The following GLI2 variants were observed in gnomAD, a reference collection of about 807,000 sequenced individuals.
GLI2 encodes GLI family zinc finger 2.
In GLI2, 22 loss-of-function variants were observed where a neutral mutation model predicts 78.9. That is an observed-to-expected ratio of 0.28 (90% CI 0.20 to 0.40). GLI2 has a LOEUF of 0.40. Among genes scored for constraint, GLI2 ranks in the 10% least tolerant of loss-of-function variants. The probability of loss-of-function intolerance (pLI) is 1.00; values close to 1 mark genes in which losing one functional copy is unlikely to be tolerated. For missense variants in GLI2, 2,097 were observed against 2,213.2 expected, an observed-to-expected ratio of 0.95 and a Z score of 1.05; for synonymous variants, 974 against 963.7, an observed-to-expected ratio of 1.01 and a Z score of -0.20.
intron 2 of GLI2, among the ~76,000 whole-genome samples, chr2:120,878,537 GA>G (rs1164258868): frequency 1.1e-4 from 16 of 151,868 alleles, no homozygotes; most frequent in Non-Finnish European, 2.2e-4. Context: ...ATATTAAAAG[GA>G]AAAAAAGGAT....
intron 2 of GLI2, among the ~76,000 whole-genome samples, chr2:120,832,215 CT>C (rs2104770738): frequency 6.6e-6 from 1 of 152,362 alleles, no homozygotes; most frequent in African/African-American, 2.4e-5. Context: ...AATTTGCCCC[CT>C]GGCTGCCCCT....
At chr2:120,785,539 C>T (rs1683973931) in intron 1 of GLI2, among the ~76,000 whole-genome samples, 1 of 152,128 alleles carries the variant, frequency 6.6e-6, no homozygotes, top group Admixed American at 6.5e-5. Context: ...ATGCCAGGGC[C>T]ACACACCAGC....
chr2:120,740,111 A>C lies in GLI2; in HGVS notation c.-31+3826A>C, dbSNP rs75386885. Reference sequence around the variant, plus strand: ...TTGCTGTGGAATATCAAGAATTAAAAAAAAAATCATTGATTATTATTTTTA... The same window carrying C: ...TTGCTGTGGAATATCAAGAATTAAACAAAAAATCATTGATTATTATTTTTA... On this transcript the variant is annotated intron_variant, in intron 1 of 13. Coordinates refer to ENST00000361492, the MANE Select transcript of GLI2 (RefSeq NM_001374353.1). Among the ~76,000 whole-genome samples, 36 of 152,336 alleles carry C rather than the reference A, an allele frequency of 2.4e-4. 1 individual carries two copies. In the East Asian group the frequency reaches 6.9e-3, roughly 29 times the overall value.
rs748710720 is a variant in GLI2, at chr2:120,986,625, G to A, written c.2242+11G>A. On this transcript the variant is annotated intron_variant, in intron 13 of 13. Transcript: ENST00000361492. ...CCCTCCCGGGAAGTGGTGAGTAAAG[G>A]CCTGGGGTTTGCAGATGGGGCAGAA... is the stretch of plus-strand genomic sequence containing the variant. The A allele has an allele frequency of 6.2e-7, 1 of 1,612,478 alleles. No homozygotes were observed. The highest frequency in any genetic ancestry group is 8.5e-7 in the Non-Finnish European group (1 of 1,178,784).
In GLI2 at chr2:120,963,626, T is replaced by C. The variant is rs963260088; in HGVS notation, c.644-5088T>C. On this transcript the variant is annotated intron_variant, in intron 5 of 13. Transcript: ENST00000361492. ...TCCACCTGGGGTGTGTGTGTGTGTC[T>C]CCACCTGGGGCCCCCCTCCCATGCA... Among the ~76,000 whole-genome samples, 3 of 151,974 alleles carry C rather than the reference T, an allele frequency of 2.0e-5. No individual in the cohort carries two copies. In the South Asian group the frequency reaches 6.2e-4, roughly 32 times the overall value.
At chr2:120,791,040 A>G (rs1183385976) in intron 1 of GLI2, among the ~76,000 whole-genome samples, 1 of 152,114 alleles carries the variant, frequency 6.6e-6, no homozygotes, top group Non-Finnish European at 1.5e-5. Flanking sequence ...GAGCAAACTG[A>G]GGCTCCGAGA....
chr2:120,847,518 ACTC>A (rs1276049627), intron 2 of GLI2, among the ~76,000 whole-genome samples: 2 of 150,982 alleles, frequency 1.3e-5, no homozygotes, highest in African/African-American at 2.4e-5. Context: ...GCCAAAGAGA[ACTC>A]CTGCGAGGCT....
chr2:120,758,746 G>A (rs1683115114), intron 1 of GLI2, among the ~76,000 whole-genome samples: 1 of 152,356 alleles, frequency 6.6e-6, no homozygotes, highest in African/African-American at 2.4e-5. Context: ...AGGGCCGTGG[G>A]TGGGCCCTGG....
intron 1 of GLI2, among the ~76,000 whole-genome samples, chr2:120,785,536 G>A (rs918810023): frequency 6.6e-5 from 10 of 152,088 alleles, no homozygotes; most frequent in African/African-American, 2.4e-4. Context: ...GAGATGCCAG[G>A]GCCACACACC....
At chr2:120,910,280 T>A (rs1678750968) in intron 2 of GLI2, among the ~76,000 whole-genome samples, 1 of 152,142 alleles carries the variant, frequency 6.6e-6, no homozygotes, top group African/African-American at 2.4e-5. Flanking sequence ...AGCCACCTGG[T>A]CCCTTGGCAC....
At chr2:120,945,957 TCACACACACACACACACA>T (rs3223143) in intron 3 of GLI2, among the ~76,000 whole-genome samples, 9 of 134,258 alleles carry the variant, frequency 6.7e-5, no homozygotes, top group Middle Eastern at 4.1e-3. Flanking sequence ...CATAACCTTC[TCACACACACACACACACA>T]CACACACACA....
Position 120,801,208 on chromosome 2 carries a change from A to C in GLI2, c.148+3740A>C, listed in dbSNP as rs531211809. Among the ~76,000 whole-genome samples, 1,152 of 152,272 alleles carry C rather than the reference A, an allele frequency of 7.6e-3. 13 individuals carry two copies. Among genetic ancestry groups the C allele is most frequent in the African/African-American group, 0.026 (1,080 of 41,554 alleles). On this transcript the variant is annotated intron_variant, in intron 2 of 13. Coordinates refer to ENST00000361492, the MANE Select transcript of GLI2 (RefSeq NM_001374353.1). ...GGCTAGAGTGCAGTGGCATGATCTC[A>C]GCTCACTGCAACCTCTGCCTCCTGG...
intron 2 of GLI2, among the ~76,000 whole-genome samples, chr2:120,910,648 G>A (rs1558875579): frequency 6.6e-6 from 1 of 152,206 alleles, no homozygotes; most frequent in Non-Finnish European, 1.5e-5. Flanking sequence ...TTGCAGGGGC[G>A]CCAAGCCACG....
At chr2:120,935,041 A>T (rs1680127137) in intron 3 of GLI2, among the ~76,000 whole-genome samples, 1 of 152,236 alleles carries the variant, frequency 6.6e-6, no homozygotes, top group African/African-American at 2.4e-5. Flanking sequence ...TTCTTGGCAC[A>T]GCACCCGAGG....
Position 120,971,961 on chromosome 2 carries a change from G to C in GLI2, c.1080G>C (p.Ser360=), listed in dbSNP as rs149110951. 1.2e-6 allele frequency: 2 copies of C among 1,613,628 alleles called. No homozygotes were observed. Among genetic ancestry groups the C allele is most frequent in the Non-Finnish European group, 1.7e-6 (2 of 1,179,934 alleles). ...DTNQNKQSSE[S]AVSSTVNPVA... is the part of the protein sequence containing the mutation. Reference sequence around the variant, plus strand: ...CTCAGAACAAGCAGAGCAGTGAGTCGGCCGTCAGCAGCACCGTCAACCCTG... The same window carrying C: ...CTCAGAACAAGCAGAGCAGTGAGTCCGCCGTCAGCAGCACCGTCAACCCTG... Residue 360 remains serine, a synonymous_variant, in exon 8 of 14, where the codon TCG becomes TCC. Coordinates refer to ENST00000361492, the MANE Select transcript of GLI2 (RefSeq NM_001374353.1).
In GLI2 at chr2:120,895,638, G is replaced by A. The variant is rs183508798; in HGVS notation, c.149-31723G>A. Among the ~76,000 whole-genome samples the A allele has an allele frequency of 1.1e-4, 16 of 152,284 alleles. No homozygotes were observed. In the East Asian group the frequency reaches 3.1e-3, roughly 29 times the overall value. ...GAATTGCTTGAACCTGGGAGGTGAA[G>A]GCTACAATGAACTGAGATTGCACCA... On this transcript the variant is annotated intron_variant, in intron 2 of 13. Coordinates refer to ENST00000361492, the MANE Select transcript of GLI2 (RefSeq NM_001374353.1).
chr2:120,790,077 C>A (rs1250787985), intron 1 of GLI2, among the ~76,000 whole-genome samples: 1 of 152,220 alleles, frequency 6.6e-6, no homozygotes, highest in East Asian at 1.9e-4. Flanking sequence ...GAGGACCCTT[C>A]TTCCTCTGAG....
At chr2:120,854,956 T>TG (rs1203186502) in intron 2 of GLI2, among the ~76,000 whole-genome samples, 1 of 152,214 alleles carries the variant, frequency 6.6e-6, no homozygotes. Context: ...AGGGCCAGCA[T>TG]GGGGCAGGAC....
At chr2:120,836,150 A>G (rs1686599871) in intron 2 of GLI2, among the ~76,000 whole-genome samples, 1 of 152,084 alleles carries the variant, frequency 6.6e-6, no homozygotes, top group African/African-American at 2.4e-5. Flanking sequence ...TTGAACCCCT[A>G]TCTATTGCTC....
Sources: gnomAD v4.1 joint callset for allele counts (sites outside exome capture counted in the v4.1 genomes callset) on GRCh38, gnomAD v4.1.1 for gene constraint, MANE v1.5 for transcripts, NCBI Gene and HGNC (gene_info 2026-07-23, HGNC 2026-07-21) for gene names.